Variants in GANAB observed in about 807,000 individuals in gnomAD.
The protein encoded by GANAB is glucosidase II alpha subunit.
Under a neutral mutation model 129.9 loss-of-function variants are expected in GANAB, and 35 were observed. The observed-to-expected ratio is 0.27, with a 90% CI of 0.21 to 0.36. The LOEUF (loss-of-function observed/expected upper bound fraction) is 0.36, where lower values mean the gene tolerates loss of function less well. Among genes scored for constraint, GANAB ranks in the 10% least tolerant of loss-of-function variants. The pLI is 1.00. For missense variants in GANAB, 939 were observed against 1,221.0 expected, an observed-to-expected ratio of 0.77 and a Z score of 3.44; for synonymous variants, 482 against 451.8, an observed-to-expected ratio of 1.07 and a Z score of -0.85.
intron 7 of GANAB, 28 bp from the exon 8 acceptor site, chr11:62,633,129 G>T: frequency 6.2e-7 from 1 of 1,600,502 alleles, no homozygotes; most frequent in Non-Finnish European, 8.6e-7. Flanking sequence ...AAGCTTCAGA[G>T]CTTCTGCTTG....
At chr11:62,639,836 G>T (rs762429860) in intron 1 of GANAB, 105 bp from the exon 2 acceptor site, 5 of 716,126 alleles carry the variant, frequency 7.0e-6, no homozygotes, top group Non-Finnish European at 1.3e-5. Flanking sequence ...GATAGTTGAG[G>T]AAAGAGGGGA....
intron 4 of GANAB, among the ~76,000 whole-genome samples, chr11:62,637,444 T>C (rs1219697440): frequency 1.3e-5 from 2 of 152,038 alleles, no homozygotes; most frequent in South Asian, 2.1e-4. Context: ...GAAGTGTAAA[T>C]TGGTAAACCA....
chr11:62,643,219 G>C (rs529998632), intron 1 of GANAB, among the ~76,000 whole-genome samples: 1 of 152,312 alleles, frequency 6.6e-6, no homozygotes, highest in South Asian at 2.1e-4. Context: ...TGTCTGTTAA[G>C]AATCAGCCAG....
chr11:62,633,079 G>C lies in GANAB; in HGVS notation c.741C>G (p.Asp247Glu), dbSNP rs1452823722. The change falls in exon 8 of 24, where the codon GAC (aspartate) becomes GAG (glutamate). Residue 247 changes from aspartate to glutamate, a missense_variant. Physicochemically the swap from Asp to Glu is conservative, Grantham distance 45. Around this residue, in one of 5 missense-constraint regions of GANAB, gnomAD observed 321 missense variants for 329.1 expected, o/e 0.98. Transcript: ENST00000356638. ...CATGCTCCATGCCTGGCAGAGAGAA[G>C]TCCAAACCCACAGACATGGGGCCTG... ...KPYGPMSVGL[D>E]FSLPGMEHVY... is the part of the protein sequence containing the mutation. The C allele has an allele frequency of 6.2e-7, 1 of 1,611,868 alleles. No homozygotes were observed.
chr11:62,638,829 A>G (rs1238577942), intron 4 of GANAB, among the ~76,000 whole-genome samples, 154 bp downstream of exon 4: 1 of 151,248 alleles, frequency 6.6e-6, no homozygotes, highest in African/African-American at 2.5e-5. Flanking sequence ...AAAGTGAAAC[A>G]GAAGAAGAGG....
rs746330393 is a variant in GANAB at position 62,627,057 on chromosome 11, G to T, written c.2313C>A (p.Gly771=). ...CCCTTCCTTAACTCACCTCCCCTTG[G>T]CCAGGCAGATAGACCTGGACACCAT... ...GAHGVQVYLP[G]QGEVWYDIQS... is the part of the protein sequence containing the mutation. The change falls in exon 19 of 24, where the codon GGC becomes GGA. Residue 771 remains glycine, a synonymous_variant. Coordinates refer to ENST00000356638, the MANE Select transcript of GANAB (RefSeq NM_198334.3). The T allele has an allele frequency of 1.2e-6, 2 of 1,612,770 alleles. No individual in the cohort carries two copies. Among genetic ancestry groups the T allele is most frequent in the Non-Finnish European group, 1.7e-6 (2 of 1,178,878 alleles).
rs1590787049 is a variant in GANAB at position 62,625,158 on chromosome 11, G to A, written c.*657C>T. The stretch of plus-strand genomic sequence containing the variant: ...AGGTGTGGAAACGTCTTTCTGCCGA[G>A]GGACAGAGGAGGTAGAACTGCCCCT... On this transcript the variant is annotated 3_prime_UTR_variant, in exon 24 of 24. Transcript: ENST00000356638. 2 of 452,584 alleles carry A rather than the reference G, an allele frequency of 4.4e-6. No homozygotes were observed. Among genetic ancestry groups the A allele is most frequent in the Non-Finnish European group, 8.9e-6 (2 of 225,848 alleles). The allele number at this position is 452,584 out of a possible 1,614,324, so 28.0% of individuals were successfully genotyped here.
intron 1 of GANAB, among the ~76,000 whole-genome samples, chr11:62,642,424 C>G (rs1324332911): frequency 6.6e-6 from 1 of 151,764 alleles, no homozygotes; most frequent in African/African-American, 2.4e-5. Flanking sequence ...CAGAGAGAAG[C>G]CTGGGCATCA....
chr11:62,634,557 GGAA>G (rs1379096919), intron 5 of GANAB: 18 of 622,822 alleles, frequency 2.9e-5, no homozygotes, highest in South Asian at 2.2e-4. Flanking sequence ...TGTGAGAAGG[GGAA>G]GAAGGAGACA....
Position 62,639,049 on chromosome 11 carries a change from T to C in GANAB, c.314A>G (p.Glu105Gly). 1 of 1,613,786 alleles carries C rather than the reference T, an allele frequency of 6.2e-7. No individual in the cohort carries two copies. The highest frequency in any genetic ancestry group is 8.5e-7 in the Non-Finnish European group (1 of 1,179,894). ...GTATCGGGGTCGCCGAGGCTCCAGC[T>C]CATCAATCCTGAACCGAGTCATGTT... ...QKNMTRFRID[E>G]LEPRRPRYRV... The change falls in exon 4 of 24, where the codon GAG (glutamate) becomes GGG (glycine). Residue 105 changes from glutamate to glycine, a missense_variant. Glu to Gly is a moderately conservative substitution (Grantham distance 98). Transcript: ENST00000356638.
intron 9 of GANAB, 67 bp downstream of exon 9, chr11:62,632,498 G>GT: frequency 1.6e-6 from 2 of 1,237,104 alleles, no homozygotes; most frequent in South Asian, 2.6e-5. Flanking sequence ...AATGCCCCTA[G>GT]TATACCTATT....
rs767207455 is a variant in GANAB, at chr11:62,628,804, T to A, written c.2145A>T (p.Leu715Phe). ...YSLLPFWYTL[L>F]YQAHREGIPV... ...GAATGCCTTCCCGATGGGCCTGATATAAGAGGGTGTACCAGAAGGGCAGCA... is the reference window on the plus strand; with the variant it reads ...GAATGCCTTCCCGATGGGCCTGATAAAAGAGGGTGTACCAGAAGGGCAGCA... The change falls in exon 17 of 24, where the codon TTA becomes TTT. Residue 715 changes from leucine to phenylalanine, a missense_variant. Around this residue, in one of 5 missense-constraint regions of GANAB, gnomAD observed 147 missense variants for 282.4 expected, o/e 0.52. Coordinates refer to ENST00000356638, the MANE Select transcript of GANAB (RefSeq NM_198334.3). The A allele has an allele frequency of 4.3e-6, 7 of 1,614,038 alleles. No homozygotes were observed. In the South Asian group the frequency reaches 7.7e-5, roughly 18 times the overall value.
chr11:62,634,605 T>C, intron 5 of GANAB: 1 of 613,934 alleles, frequency 1.6e-6, no homozygotes, highest in Non-Finnish European at 2.9e-6. Flanking sequence ...ATGCCCAGGG[T>C]ACAGCTCAGG....
At chr11:62,637,551 T>C (rs956048941) in intron 4 of GANAB, among the ~76,000 whole-genome samples, 1 of 152,174 alleles carries the variant, frequency 6.6e-6, no homozygotes, top group African/African-American at 2.4e-5. Context: ...CAAGCAAGGA[T>C]AACAGGAGAC....
At position 62,631,607 on chromosome 11, in the gene GANAB, C is replaced by T. The variant is rs562102998; in HGVS notation, c.997-424G>A. 3.3e-5 allele frequency among the ~76,000 whole-genome samples: 5 copies of T among 151,678 alleles called. No homozygotes were observed. The East Asian group carries it at 5.9e-4, about 18-fold the overall frequency. ...CCTCCCGAGTAGCTAAGACTACAGGCGCACACCACCACACCCAGCTAACTT... is the reference window on the plus strand; with the variant it reads ...CCTCCCGAGTAGCTAAGACTACAGGTGCACACCACCACACCCAGCTAACTT... On this transcript the variant is annotated intron_variant, in intron 9 of 23. Transcript: ENST00000356638.
rs2134496382 is a variant in GANAB at position 62,633,357 on chromosome 11, G to A, written c.631-86C>T. The stretch of plus-strand genomic sequence containing the variant: ...ATCAACTAAATCCCATCCCTGATGG[G>A]GAGACTAAGTTCAAGTTTCTCATGG... On this transcript the variant is annotated intron_variant, in intron 6 of 23. Coordinates refer to ENST00000356638, the MANE Select transcript of GANAB (RefSeq NM_198334.3). The A allele has an allele frequency of 3.2e-6, 5 of 1,545,500 alleles. No individual in the cohort carries two copies. In the South Asian group the frequency reaches 5.6e-5, roughly 17 times the overall value.
At chr11:62,634,666 C>T in intron 5 of GANAB, 155 bp downstream of exon 5, 1 of 667,668 alleles carries the variant, frequency 1.5e-6, no homozygotes, top group Non-Finnish European at 2.6e-6. Context: ...AAAACCGCAC[C>T]CGGGTCTGGT....
In GANAB at chr11:62,628,966, C is replaced by T. The variant is rs766105881; in HGVS notation, c.1983G>A (p.Val661=). The change falls in exon 17 of 24, where the codon GTG becomes GTA. Residue 661 remains valine, a synonymous_variant. Transcript: ENST00000356638. ...GGTAAGCACCCATCTGGTACCAGCGCACAAGCAGCTCTGGCTCTGGGTTTT... is the reference window on the plus strand; with the variant it reads ...GGTAAGCACCCATCTGGTACCAGCGTACAAGCAGCTCTGGCTCTGGGTTTT... ...FFKNPEPELL[V]RWYQMGAYQP... 6.2e-6 allele frequency: 10 copies of T among 1,613,996 alleles called. No individual in the cohort carries two copies. The highest frequency in any genetic ancestry group is 8.5e-6 in the Non-Finnish European group (10 of 1,179,898).
At position 62,629,634 on chromosome 11, in the gene GANAB, G is replaced by A. The variant is rs778304210; in HGVS notation, c.1788C>T (p.Arg596=). The A allele has an allele frequency of 2.6e-5, 42 of 1,613,300 alleles. No individual in the cohort carries two copies. Among genetic ancestry groups the A allele is most frequent in the East Asian group, 4.5e-5 (2 of 44,902 alleles). ...GLRQRSGGME[R]PFVLARAFFA... is the part of the protein sequence containing the mutation. ...AGAAGGCCCTGGCCAGGACAAAGGG[G>A]CGTTCCATGCCCCCAGAGCGCTGTC... Residue 596 remains arginine, a synonymous_variant, in exon 15 of 24, where the codon CGC becomes CGT. Coordinates refer to ENST00000356638, the MANE Select transcript of GANAB (RefSeq NM_198334.3).
Sources: gnomAD v4.1 joint callset for allele counts (sites outside exome capture counted in the v4.1 genomes callset) on GRCh38, gnomAD v4.1.1 for gene constraint, gnomAD v4.1.1 regional missense constraint, MANE v1.5 for transcripts, NCBI Gene and HGNC (gene_info 2026-07-23, HGNC 2026-07-21) for gene names.